Variants in FAM131C observed in about 807,000 individuals in gnomAD.
The protein encoded by FAM131C is family with sequence similarity 131 member C.
A neutral mutation model predicts 29.8 loss-of-function variants in FAM131C; 14 were observed. The ratio of observed to expected loss-of-function variants is 0.47; its 90% CI spans 0.31 to 0.73. The LOEUF is 0.73. Among genes scored for constraint, FAM131C ranks in the 30% least tolerant of loss-of-function variants. The probability of loss-of-function intolerance (pLI) is 0.05; values close to 1 mark genes in which losing one functional copy is unlikely to be tolerated. For synonymous variants in FAM131C, 86 were observed against 157.8 expected (o/e 0.54, Z 3.41); for missense variants, 252 against 383.8 (o/e 0.66, Z 2.87).
intron 1 of FAM131C, among the ~76,000 whole-genome samples, chr1:16,069,147 C>T (rs938544576): frequency 4.6e-5 from 7 of 152,194 alleles, no homozygotes; most frequent in Admixed American, 4.6e-4. Flanking sequence ...ATGAGGGTCA[C>T]ACTTCGGCCC....
intron 1 of FAM131C, among the ~76,000 whole-genome samples, chr1:16,073,029 G>A (rs1181533759): frequency 6.6e-6 from 1 of 152,136 alleles, no homozygotes; most frequent in East Asian, 1.9e-4. Flanking sequence ...CTGTGTCTTG[G>A]GGAGGGGTGG....
intron 1 of FAM131C, among the ~76,000 whole-genome samples, chr1:16,068,388 G>A (rs1314569284): frequency 6.6e-6 from 1 of 152,216 alleles, no homozygotes; most frequent in African/African-American, 2.4e-5. Context: ...TCCGTAAGCA[G>A]CAGCCGCTCC....
chr1:16,071,820 G>A lies in FAM131C; in HGVS notation c.22+1601C>T, dbSNP rs571461796. On this transcript the variant is annotated intron_variant, in intron 1 of 6. Coordinates refer to ENST00000375662, the MANE Select transcript of FAM131C (RefSeq NM_182623.3). Reference sequence around the variant, plus strand: ...GCCTCTCAGGGTGACCTTAGCAGGCGTCTCTTCCTCCCCGGCCTCTGTCCC... The same window carrying A: ...GCCTCTCAGGGTGACCTTAGCAGGCATCTCTTCCTCCCCGGCCTCTGTCCC... Among the ~76,000 whole-genome samples, 62 of 152,304 alleles carry A rather than the reference G, an allele frequency of 4.1e-4. 1 individual carries two copies. The highest frequency in any genetic ancestry group is 1.1e-3 in the African/African-American group (47 of 41,564).
chr1:16,073,461 G>GGCCGC lies in FAM131C; in HGVS notation c.-24_-20dup. 2 of 1,202,698 alleles carry GGCCGC rather than the reference G, an allele frequency of 1.7e-6. No individual in the cohort carries two copies. Among genetic ancestry groups the GGCCGC allele is most frequent in the Non-Finnish European group, 2.1e-6 (2 of 968,576 alleles). 74.5% of individuals were successfully genotyped at this position (1,202,698 alleles called of 1,614,324 possible). On this transcript the variant is annotated 5_prime_UTR_variant, in exon 1 of 7. Coordinates refer to ENST00000375662, the MANE Select transcript of FAM131C (RefSeq NM_182623.3). ...AGCCCATCACGGGGCCGCGGGGCCG[G>GGCCGC]GCCGCTGCGCCCGGGGTGCGTGGGG... is the stretch of plus-strand genomic sequence containing the variant.
Position 16,058,499 on chromosome 1 carries a change from CCGGGGGGTGG to C in FAM131C, c.771_780del (p.His258AlafsTer34). 1 of 1,509,034 alleles carries C rather than the reference CCGGGGGGTGG, an allele frequency of 6.6e-7. No individual in the cohort carries two copies. The highest frequency in any genetic ancestry group is 8.8e-7 in the Non-Finnish European group (1 of 1,130,494). The allele number at this position is 1,509,034 out of a possible 1,614,324, so 93.5% of individuals were successfully genotyped here. On this transcript the variant is annotated frameshift_variant, in exon 7 of 7. Transcript: ENST00000375662. LOFTEE classifies it high-confidence loss of function. Reference sequence around the variant, plus strand: ...CCGCTGTCCATGGAGGGGAGGGAGCCCGGGGGGTGGGTCCCACCCTCGGGTCCTTGGGCCC... The same window carrying C: ...CCGCTGTCCATGGAGGGGAGGGAGCCGTCCCACCCTCGGGTCCTTGGGCCC...
chr1:16,071,750 C>T (rs2023752315), intron 1 of FAM131C, among the ~76,000 whole-genome samples: 1 of 152,124 alleles, frequency 6.6e-6, no homozygotes, highest in Non-Finnish European at 1.5e-5. Flanking sequence ...GCAGAGGGGG[C>T]GGTGGAGGGA....
rs1053266760 is a variant in FAM131C, at chr1:16,072,302, A to G, written c.22+1119T>C. On this transcript the variant is annotated intron_variant, in intron 1 of 6. Coordinates refer to ENST00000375662, the MANE Select transcript of FAM131C (RefSeq NM_182623.3). ...TCCTGAGCCACTTACCTGAATGCCC[A>G]CAGGAACTCCTGAGCAGAAGCCCTT... Among the ~76,000 whole-genome samples, 15 of 152,342 alleles carry G rather than the reference A, an allele frequency of 9.8e-5. No individual in the cohort carries two copies. In the South Asian group the frequency reaches 2.9e-3, roughly 29 times the overall value.
At chr1:16,068,960 G>C (rs2023716888) in intron 1 of FAM131C, among the ~76,000 whole-genome samples, 2 of 152,202 alleles carry the variant, frequency 1.3e-5, no homozygotes, top group Admixed American at 1.3e-4. Flanking sequence ...TTACTGAGCA[G>C]GTGTGACAGT....
chr1:16,067,025 G>T (rs1310247287), intron 1 of FAM131C, among the ~76,000 whole-genome samples: 1 of 152,198 alleles, frequency 6.6e-6, no homozygotes, highest in East Asian at 1.9e-4. Context: ...GGGGAGGGGA[G>T]CCGGGCACAG....
chr1:16,068,252 T>C (rs189243427), intron 1 of FAM131C, among the ~76,000 whole-genome samples: 1 of 152,380 alleles, frequency 6.6e-6, no homozygotes, highest in East Asian at 1.9e-4. Flanking sequence ...AGTCCCCGCT[T>C]CTCACTTTCC....
chr1:16,063,182 A>G (rs57610453), intron 2 of FAM131C, among the ~76,000 whole-genome samples: 5,333 of 148,690 alleles, frequency 0.036, 228 homozygotes, highest in African/African-American at 0.096. Context: ...ATATTTATAT[A>G]CAAATTATAT....
intron 4 of FAM131C, among the ~76,000 whole-genome samples, chr1:16,060,888 T>C (rs1404287305): frequency 1.3e-5 from 2 of 151,636 alleles, no homozygotes; most frequent in African/African-American, 4.9e-5. Flanking sequence ...AGCAACCCAG[T>C]TGGAGGATTA....
chr1:16,062,394 C>CCCCCCCCCGG, intron 3 of FAM131C, 105 bp downstream of exon 3: 2 of 1,172,020 alleles, frequency 1.7e-6, no homozygotes, highest in African/African-American at 1.8e-5. Context: ...CCCCCCCCCC[C>CCCCCCCCCGG]GCCCCAGGGC....
rs9287288 is a variant in FAM131C, at chr1:16,062,957, G to A, written c.139-423C>T. Among the ~76,000 whole-genome samples the A allele has an allele frequency of 6.1e-3, 934 of 152,246 alleles. 6 individuals are homozygous for A. Among genetic ancestry groups the A allele is most frequent in the African/African-American group, 0.021 (860 of 41,510 alleles). ...CAGTGCTTCGCAGGAGGGGTGTGCC[G>A]CTGGGGAGAAGGTAATTATATCATC... On this transcript the variant is annotated intron_variant, in intron 2 of 6. Coordinates refer to ENST00000375662, the MANE Select transcript of FAM131C (RefSeq NM_182623.3).
intron 2 of FAM131C, 129 bp downstream of exon 2, chr1:16,063,392 C>T (rs2023631760): frequency 2.8e-6 from 2 of 717,650 alleles, no homozygotes; most frequent in African/African-American, 1.9e-5. Flanking sequence ...CTTAGGGCCC[C>T]TGGTCCCACA....
chr1:16,068,898 A>G (rs1190264093), intron 1 of FAM131C, among the ~76,000 whole-genome samples: 2 of 152,030 alleles, frequency 1.3e-5, no homozygotes, highest in Non-Finnish European at 2.9e-5. Flanking sequence ...TAGGTACCTC[A>G]CCTGTGGTCC....
At chr1:16,064,958 G>T (rs563643791) in intron 1 of FAM131C, among the ~76,000 whole-genome samples, 1 of 152,160 alleles carries the variant, frequency 6.6e-6, no homozygotes, top group African/African-American at 2.4e-5. Context: ...GCTGTCCTGG[G>T]TCCCCTCTTT....
chr1:16,072,235 C>G (rs1440735859), intron 1 of FAM131C, among the ~76,000 whole-genome samples: 1 of 152,204 alleles, frequency 6.6e-6, no homozygotes, highest in African/African-American at 2.4e-5. Context: ...TGTACCTTCC[C>G]CTTCCCCAGC....
chr1:16,063,486 C>T (rs370025854), intron 2 of FAM131C, 35 bp downstream of exon 2: 45 of 1,516,122 alleles, frequency 3.0e-5, no homozygotes, highest in African/African-American at 8.2e-5. Flanking sequence ...GGAACCGGGG[C>T]GCAGGTAGCA....
Sources: gnomAD v4.1 joint callset for allele counts (sites outside exome capture counted in the v4.1 genomes callset) on GRCh38, gnomAD v4.1.1 for gene constraint, MANE v1.5 for transcripts, NCBI Gene and HGNC (gene_info 2026-07-23, HGNC 2026-07-21) for gene names.